The following CDH4 variants were observed in gnomAD, a reference collection of about 807,000 sequenced individuals.
The protein encoded by CDH4 is cadherin 4.
CDH4 carries 33 observed loss-of-function variants against 86.0 expected under a neutral mutation model. The ratio of observed to expected loss-of-function variants is 0.38; its 90% CI spans 0.29 to 0.51. The LOEUF (loss-of-function observed/expected upper bound fraction) is 0.51, where lower values mean the gene tolerates loss of function less well. CDH4 is among the 20% of genes least tolerant of loss of function. The probability of loss-of-function intolerance (pLI) is 0.86; values close to 1 mark genes in which losing one functional copy is unlikely to be tolerated. For synonymous variants in CDH4, 555 were observed against 549.4 expected (o/e 1.01, Z -0.14); for missense variants, 1,114 against 1,307.4 (o/e 0.85, Z 2.28).
Position 61,733,617 on chromosome 20 carries a change from G to T in CDH4, c.170-9946G>T, listed in dbSNP as rs564427359. Among the ~76,000 whole-genome samples the T allele has an allele frequency of 3.3e-5, 5 of 152,110 alleles. No individual in the cohort carries two copies. In the East Asian group the frequency reaches 9.7e-4, roughly 29 times the overall value. Reference sequence around the variant, plus strand: ...CCCAGCACCCAGGACGGTACGTAGGGAGGAAATGGGTACACGATGGATGGA... The same window carrying T: ...CCCAGCACCCAGGACGGTACGTAGGTAGGAAATGGGTACACGATGGATGGA... On this transcript the variant is annotated intron_variant, in intron 2 of 15. Transcript: ENST00000614565.
chr20:61,924,507 C>T (rs781572262), intron 11 of CDH4, 31 bp downstream of exon 11: 7 of 1,600,972 alleles, frequency 4.4e-6, no homozygotes, highest in Admixed American at 1.7e-5. Flanking sequence ...GCAGCCGTCT[C>T]GGTGGCCTTC....
intron 4 of CDH4, among the ~76,000 whole-genome samples, chr20:61,844,397 G>A (rs1353264306): frequency 1.3e-5 from 2 of 151,760 alleles, no homozygotes; most frequent in Non-Finnish European, 2.9e-5. Context: ...TTTCATCTGT[G>A]CTGTGGATGT....
chr20:61,329,598 A>G (rs2084560337), intron 2 of CDH4, among the ~76,000 whole-genome samples: 1 of 152,072 alleles, frequency 6.6e-6, no homozygotes, highest in Admixed American at 6.6e-5. Flanking sequence ...CCCCTAAAAC[A>G]TCAGAAAGCT....
chr20:61,514,982 G>A (rs1297197715), intron 2 of CDH4, among the ~76,000 whole-genome samples: 1 of 152,196 alleles, frequency 6.6e-6, no homozygotes, highest in African/African-American at 2.4e-5. Context: ...GGGGCGGGTG[G>A]CACGGCTGGG....
intron 2 of CDH4, among the ~76,000 whole-genome samples, chr20:61,547,596 G>C (rs1023351857): frequency 1.3e-5 from 2 of 151,324 alleles, no homozygotes; most frequent in Middle Eastern, 6.8e-3. Flanking sequence ...TGGGGGTGGG[G>C]GGATACTGCC....
intron 2 of CDH4, among the ~76,000 whole-genome samples, chr20:61,354,860 G>A (rs530750828): frequency 3.3e-5 from 5 of 152,334 alleles, no homozygotes; most frequent in Admixed American, 6.5e-5. Context: ...GCATCTGTGA[G>A]GGGAGAGCAG....
intron 2 of CDH4, among the ~76,000 whole-genome samples, chr20:61,421,370 G>C (rs539004918): frequency 6.6e-6 from 1 of 152,224 alleles, no homozygotes. Context: ...GCTACCGAAA[G>C]GGACTCACGT....
intron 9 of CDH4, among the ~76,000 whole-genome samples, chr20:61,919,734 A>ATTGCGTGGAAGCATGTCATGG (rs1409372367): frequency 1.3e-5 from 2 of 150,590 alleles, no homozygotes; most frequent in African/African-American, 2.5e-5. Flanking sequence ...TGTCATGATG[A>ATTGCGTGGAAGCATGTCATGG]TTGCGTGGAA....
At chr20:61,415,500 A>T (rs1416929143) in intron 2 of CDH4, among the ~76,000 whole-genome samples, 2 of 152,022 alleles carry the variant, frequency 1.3e-5, no homozygotes, top group Non-Finnish European at 2.9e-5. Context: ...CTCCAACCTG[A>T]AACTCCATCC....
chr20:61,653,660 T>A (rs1342028972), intron 2 of CDH4, among the ~76,000 whole-genome samples: 3 of 94,706 alleles, frequency 3.2e-5, no homozygotes, highest in Admixed American at 1.0e-4. Flanking sequence ...GGCTCCTCAC[T>A]TCTCAGACAG....
intron 2 of CDH4, among the ~76,000 whole-genome samples, chr20:61,629,925 A>G (rs546465923): frequency 6.6e-5 from 10 of 152,322 alleles, no homozygotes; most frequent in African/African-American, 1.7e-4. Flanking sequence ...CCTGTGACTC[A>G]GCGCAAGGAG....
At chr20:61,831,424 C>G (rs1379019272) in intron 4 of CDH4, among the ~76,000 whole-genome samples, 5 of 152,220 alleles carry the variant, frequency 3.3e-5, no homozygotes, top group Non-Finnish European at 5.9e-5. Flanking sequence ...GTTAGCAGAG[C>G]CTGTGCTCAA....
chr20:61,594,057 G>A (rs184878477), intron 2 of CDH4, among the ~76,000 whole-genome samples: 67 of 104,962 alleles, frequency 6.4e-4, no homozygotes, highest in African/African-American at 1.8e-3. Context: ...CGGGGAAGAG[G>A]GTAGGGGGAA....
At chr20:61,694,733 G>A (rs563400921) in intron 2 of CDH4, among the ~76,000 whole-genome samples, 43 of 152,292 alleles carry the variant, frequency 2.8e-4, no homozygotes, top group African/African-American at 9.6e-4. Context: ...TCTCCTGCGT[G>A]CTTTAGAGAT....
chr20:61,752,898 G>A (rs534672071), intron 3 of CDH4, among the ~76,000 whole-genome samples: 2 of 152,360 alleles, frequency 1.3e-5, no homozygotes, highest in African/African-American at 4.8e-5. Context: ...GCCATGCTGG[G>A]GGACACCAGA....
Position 61,754,860 on chromosome 20 carries a change from GC to G in CDH4, c.396+11072del, listed in dbSNP as rs1251785175. On this transcript the variant is annotated intron_variant, in intron 3 of 15. Coordinates refer to ENST00000614565, the MANE Select transcript of CDH4 (RefSeq NM_001794.5). This position sits in a 1 kb window ranked among gnomAD's most constrained non-coding sequence, Gnocchi z 4.7. ...ACATGCCCCACACACACCACACAGT[GC>G]ACGCCACACACACCACACATATACC... The G allele has an allele frequency of 1.3e-5, 2 of 149,302 alleles. No homozygotes were observed. Among genetic ancestry groups the G allele is most frequent in the Admixed American group, 1.4e-4 (2 of 14,706 alleles). 9.2% of individuals were successfully genotyped at this position (149,302 alleles called of 1,614,324 possible). A position where few individuals can be genotyped will look rare whatever the true frequency, so the allele number is the denominator to read the frequency against.
At chr20:61,654,960 A>G (rs1053766586) in intron 2 of CDH4, among the ~76,000 whole-genome samples, 2 of 142,246 alleles carry the variant, frequency 1.4e-5, no homozygotes, top group Non-Finnish European at 1.6e-5. Flanking sequence ...CGGGGGCCTG[A>G]GCCCATGGAA....
Position 61,739,819 on chromosome 20 carries a change from G to A in CDH4, c.170-3744G>A, listed in dbSNP as rs115051292. ...GCGAGGGCAGCACAGGACTCCAAGCGCCCACAGAAAGTTCTATAAGCAGTT... is the reference window on the plus strand; with the variant it reads ...GCGAGGGCAGCACAGGACTCCAAGCACCCACAGAAAGTTCTATAAGCAGTT... On this transcript the variant is annotated intron_variant, in intron 2 of 15. Transcript: ENST00000614565. Among the ~76,000 whole-genome samples, 761 of 152,332 alleles carry A rather than the reference G, an allele frequency of 5.0e-3. 2 individuals carry two copies. Among genetic ancestry groups the A allele is most frequent in the African/African-American group, 0.017 (720 of 41,588 alleles).
At chr20:61,454,048 TC>T (rs1335987122) in intron 2 of CDH4, among the ~76,000 whole-genome samples, 1 of 152,208 alleles carries the variant, frequency 6.6e-6, no homozygotes, top group Non-Finnish European at 1.5e-5. Context: ...TAAACCTCTT[TC>T]TTTTATAAAT....
Sources: allele counts gnomAD v4.1 joint callset (sites outside exome capture counted in the v4.1 genomes callset), GRCh38; gene constraint gnomAD v4.1.1; non-coding constraint Gnocchi (gnomAD v3.1); transcripts MANE v1.5; gene names NCBI Gene and HGNC (gene_info 2026-07-23, HGNC 2026-07-21).